Variants in ABCD3 observed in about 807,000 individuals in gnomAD.
ABCD3 encodes ATP-binding cassette sub-family D member 3.
Under a neutral mutation model 105.5 loss-of-function variants are expected in ABCD3, and 41 were observed. The observed-to-expected ratio is 0.39, with a 90% CI of 0.30 to 0.50. The LOEUF (loss-of-function observed/expected upper bound fraction) is 0.50. Ranked by LOEUF, ABCD3 falls within the 20% of genes least tolerant of loss-of-function variation. ABCD3 has a pLI of 0.84. For missense variants in ABCD3, 622 were observed against 806.3 expected (o/e 0.77, Z 2.77); for synonymous variants, 258 against 269.0 (o/e 0.96, Z 0.40).
At chr1:94,480,932 T>G (rs548801221) in intron 9 of ABCD3, among the ~76,000 whole-genome samples, 3 of 152,318 alleles carry the variant, frequency 2.0e-5, no homozygotes, top group African/African-American at 7.2e-5. Flanking sequence ...TTTGTCTCAA[T>G]TTTTCCACAA....
chr1:94,413,457 G>A (rs534057330), upstream of ABCD3, among the ~76,000 whole-genome samples: 50 of 152,136 alleles, frequency 3.3e-4, no homozygotes, highest in Non-Finnish European at 5.6e-4. Context: ...TCCTCTTTGG[G>A]ACCCTGATCT....
chr1:94,489,895 C>G lies in ABCD3; in HGVS notation c.1250-8C>G. On this transcript the variant is annotated splice_region_variant and splice_polypyrimidine_tract_variant and intron_variant, in intron 14 of 22. Coordinates refer to ENST00000370214, the MANE Select transcript of ABCD3 (RefSeq NM_002858.4). ...ATATGATGCTTTAATACCTATTTTC[C>G]ATTTAAGGTATTGAAGGAGTACAAG... is the stretch of plus-strand genomic sequence containing the variant. 6.2e-7 allele frequency: 1 copy of G among 1,611,958 alleles called. No individual in the cohort carries two copies.
intron 16 of ABCD3, among the ~76,000 whole-genome samples, chr1:94,497,211 A>G (rs1437344932): frequency 3.3e-5 from 5 of 152,172 alleles, no homozygotes; most frequent in African/African-American, 1.2e-4. Context: ...TGTTATGTAT[A>G]TTCTTTATTG....
rs1291972983 is a variant in ABCD3 at position 94,515,220 on chromosome 1, T to C, written c.1902+18T>C. On this transcript the variant is annotated intron_variant, in intron 22 of 22. Coordinates refer to ENST00000370214, the MANE Select transcript of ABCD3 (RefSeq NM_002858.4). Reference sequence around the variant, plus strand: ...ATCATGAGGTTTGTATTTCTTTCATTGAATGGTACAGTGAAATTTTATTTT... The same window carrying C: ...ATCATGAGGTTTGTATTTCTTTCATCGAATGGTACAGTGAAATTTTATTTT... 2 of 1,585,364 alleles carry C rather than the reference T, an allele frequency of 1.3e-6. No homozygotes were observed. The highest frequency in any genetic ancestry group is 1.7e-6 in the Non-Finnish European group (2 of 1,155,094).
At chr1:94,401,667 A>C in the ABCD3 span, among the ~76,000 whole-genome samples, 1 of 152,204 alleles carries the variant, frequency 6.6e-6, no homozygotes, top group Non-Finnish European at 1.5e-5. Flanking sequence ...TAAGGTTACA[A>C]GTAAATGGTC....
chr1:94,472,348 A>T lies in ABCD3; in HGVS notation c.336-1418A>T, dbSNP rs532440852. On this transcript the variant is annotated intron_variant, in intron 4 of 22. Transcript: ENST00000370214. ...GTTTGGTTCAAACAATTTTAACATA[A>T]ATTCTCTGAACCTTTTGTACTGTCT... 43 of 292,286 alleles carry T rather than the reference A, an allele frequency of 1.5e-4. No individual in the cohort carries two copies. In the South Asian group the frequency reaches 5.7e-3, roughly 39 times the overall value. The allele number at this position is 292,286 out of a possible 1,614,324, so 18.1% of individuals were successfully genotyped here. A position where few individuals can be genotyped will look rare whatever the true frequency, so the allele number is the denominator to read the frequency against.
chr1:94,440,839 G>T (rs1279528677), intron 1 of ABCD3, among the ~76,000 whole-genome samples: 1 of 152,136 alleles, frequency 6.6e-6, no homozygotes, highest in Non-Finnish European at 1.5e-5. Context: ...TTCTTGGGAG[G>T]TGGAGGATGG....
chr1:94,393,204 T>C, the ABCD3 span, among the ~76,000 whole-genome samples: 2 of 152,102 alleles, frequency 1.3e-5, no homozygotes, highest in Non-Finnish European at 2.9e-5. Flanking sequence ...ACTCAAAGAA[T>C]AGAATGCTTA....
chr1:94,435,228 G>C (rs189298297), intron 1 of ABCD3, among the ~76,000 whole-genome samples: 5 of 152,184 alleles, frequency 3.3e-5, no homozygotes, highest in Admixed American at 1.3e-4. Flanking sequence ...AGGAGTTAGT[G>C]TGGTATATTC....
chr1:94,515,885 C>T (rs1411970451), intron 22 of ABCD3, among the ~76,000 whole-genome samples: 1 of 151,476 alleles, frequency 6.6e-6, no homozygotes, highest in African/African-American at 2.4e-5. Context: ...GTCTTTCCCC[C>T]TTCCCTCTTT....
the ABCD3 span, among the ~76,000 whole-genome samples, chr1:94,405,310 C>CT: frequency 8.4e-3 from 1,045 of 124,934 alleles, 8 homozygotes; most frequent in Non-Finnish European, 0.013. Flanking sequence ...CATTATCAAG[C>CT]TTTTTTTTTT....
At chr1:94,474,245 T>TG (rs1048514991) in intron 5 of ABCD3, among the ~76,000 whole-genome samples, 5 of 135,506 alleles carry the variant, frequency 3.7e-5, no homozygotes, top group African/African-American at 1.3e-4. Flanking sequence ...CTTGGGGAGT[T>TG]GGGGGGATTT....
intron 10 of ABCD3, among the ~76,000 whole-genome samples, chr1:94,485,002 A>G (rs999076465): frequency 1.3e-5 from 2 of 152,204 alleles, no homozygotes; most frequent in African/African-American, 4.8e-5. Flanking sequence ...GCAACTATTC[A>G]GCTCCGCTAC....
At chr1:94,493,838 G>T (rs1194170355) in intron 16 of ABCD3, among the ~76,000 whole-genome samples, 2 of 151,830 alleles carry the variant, frequency 1.3e-5, no homozygotes, top group African/African-American at 4.8e-5. Flanking sequence ...GTAAACTATC[G>T]CAAGGACAAA....
At chr1:94,439,612 C>T (rs1029927511) in intron 1 of ABCD3, among the ~76,000 whole-genome samples, 1 of 152,106 alleles carries the variant, frequency 6.6e-6, no homozygotes, top group African/African-American at 2.4e-5. Flanking sequence ...GCCTGGGCAA[C>T]AGAGCGAGAC....
chr1:94,454,387 G>C (rs781683187), intron 1 of ABCD3, among the ~76,000 whole-genome samples: 9 of 152,152 alleles, frequency 5.9e-5, no homozygotes, highest in Non-Finnish European at 1.0e-4. Flanking sequence ...TGGAATAATG[G>C]AAGAATAGAT....
intron 16 of ABCD3, among the ~76,000 whole-genome samples, chr1:94,492,230 T>C (rs1649568092): frequency 6.6e-6 from 1 of 152,164 alleles, no homozygotes; most frequent in Non-Finnish European, 1.5e-5. Context: ...GTAGTTTGTG[T>C]TTCATGTGGG....
chr1:94,414,301 G>A (rs1479273448), upstream of ABCD3, among the ~76,000 whole-genome samples: 2 of 152,108 alleles, frequency 1.3e-5, no homozygotes, highest in Non-Finnish European at 2.9e-5. Flanking sequence ...CACCCTCTTA[G>A]ACACTCAGCA....
In ABCD3 at chr1:94,437,558, G is replaced by GTACC. The variant is rs140534362; in HGVS notation, c.110+18972_110+18975dup. ...CAAAATGTTACTGCTCATTGTCAAT[G>GTACC]TACCTGGTCACCCAAGAGCTCTAGT... On this transcript the variant is annotated intron_variant, in intron 1 of 22. Coordinates refer to ENST00000370214, the MANE Select transcript of ABCD3 (RefSeq NM_002858.4). Among the ~76,000 whole-genome samples, 863 of 152,310 alleles carry GTACC rather than the reference G, an allele frequency of 5.7e-3. 9 individuals are homozygous for GTACC. Among genetic ancestry groups the GTACC allele is most frequent in the African/African-American group, 0.02 (813 of 41,570 alleles).
Sources: allele counts gnomAD v4.1 joint callset (sites outside exome capture counted in the v4.1 genomes callset), GRCh38; gene constraint gnomAD v4.1.1; transcripts MANE v1.5; gene names NCBI Gene and HGNC (gene_info 2026-07-23, HGNC 2026-07-21).